The following TJP1 variants were observed in gnomAD, a reference collection of about 807,000 sequenced individuals.
TJP1 encodes tight junction protein ZO-1.
In TJP1, 43 loss-of-function variants were observed where a neutral mutation model predicts 194.2. That is an observed-to-expected ratio of 0.22 (90% CI 0.17 to 0.29). TJP1 has a LOEUF of 0.29. TJP1 is among the 10% of genes least tolerant of loss of function. The pLI is 1.00. For synonymous variants in TJP1, 801 were observed against 779.0 expected, an observed-to-expected ratio of 1.03 and a Z score of -0.47; for missense variants, 1,971 against 2,185.7, an observed-to-expected ratio of 0.90 and a Z score of 1.96.
At chr15:29,925,278 C>T (rs566283523) in intron 2 of TJP1, among the ~76,000 whole-genome samples, 1 of 152,308 alleles carries the variant, frequency 6.6e-6, no homozygotes, top group South Asian at 2.1e-4. Context: ...AATTCTTATT[C>T]TACTCTCACA....
chr15:29,968,263 C>A, intron 1 of TJP1: 1 of 985,210 alleles, frequency 1.0e-6, no homozygotes, highest in Non-Finnish European at 1.2e-6. Flanking sequence ...AAACGCACAC[C>A]GTGATACCAA....
chr15:29,772,193 A>G (rs918528805), intron 3 of TJP1, 27 bp from the exon 4 acceptor site: 38 of 1,384,336 alleles, frequency 2.7e-5, no homozygotes, highest in Non-Finnish European at 3.7e-5. Flanking sequence ...ACAAAATAAT[A>G]TGTTAGAGAA....
At chr15:29,795,440 AAAAAC>A (rs766395225) in intron 2 of TJP1, among the ~76,000 whole-genome samples, 5 of 151,778 alleles carry the variant, frequency 3.3e-5, no homozygotes, top group African/African-American at 1.2e-4. Flanking sequence ...AAGACTACCA[AAAAAC>A]AAAACAAAAC....
intron 1 of TJP1, among the ~76,000 whole-genome samples, chr15:29,801,014 C>T (rs942579720): frequency 2.6e-5 from 4 of 152,150 alleles, no homozygotes; most frequent in Non-Finnish European, 4.4e-5. Flanking sequence ...AAAGTTGGAG[C>T]GGTATTATCT....
intron 2 of TJP1, among the ~76,000 whole-genome samples, chr15:29,887,629 G>GA (rs1370083959): frequency 6.6e-6 from 1 of 151,164 alleles, no homozygotes; most frequent in Admixed American, 6.6e-5. Context: ...TCACTTCTAG[G>GA]AAAAAAAATG....
At chr15:29,952,807 T>C (rs1344529850) in intron 2 of TJP1, among the ~76,000 whole-genome samples, 3 of 152,184 alleles carry the variant, frequency 2.0e-5, no homozygotes, top group Non-Finnish European at 4.4e-5. Context: ...AATTTTTAAA[T>C]AAATTTGTAA....
intron 2 of TJP1, among the ~76,000 whole-genome samples, chr15:29,858,359 C>T (rs997879600): frequency 6.6e-6 from 1 of 152,144 alleles, no homozygotes; most frequent in African/African-American, 2.4e-5. Flanking sequence ...CGAAATTGCA[C>T]CACTGCACTC....
chr15:29,905,177 T>G (rs1405354762), intron 2 of TJP1, among the ~76,000 whole-genome samples: 1 of 152,232 alleles, frequency 6.6e-6, no homozygotes, highest in East Asian at 1.9e-4. Flanking sequence ...TCCTCAGGCC[T>G]GTTGGCAAAA....
rs1005841303 is a variant in TJP1 at position 29,822,371 on chromosome 15, T to C, written c.-343A>G. The C allele has an allele frequency of 1.9e-6, 2 of 1,027,038 alleles. No individual in the cohort carries two copies. Among genetic ancestry groups the C allele is most frequent in the African/African-American group, 1.7e-5 (1 of 58,676 alleles). 63.6% of individuals were successfully genotyped at this position (1,027,038 alleles called of 1,614,324 possible). ...GCACCCGTGGCCTCCCGGCGTCTCC[T>C]CGGAAGCCGGCTTCGCCACGTAACT... On this transcript the variant is annotated 5_prime_UTR_variant, in exon 1 of 28. Transcript: ENST00000614355.
intron 2 of TJP1, among the ~76,000 whole-genome samples, chr15:29,937,621 A>C (rs2054926951): frequency 6.6e-6 from 1 of 152,226 alleles, no homozygotes; most frequent in Admixed American, 6.5e-5. Flanking sequence ...ACAAGTATCC[A>C]ACCTAAAGCA....
chr15:29,785,998 T>G (rs1311989101), intron 2 of TJP1, among the ~76,000 whole-genome samples: 1 of 152,178 alleles, frequency 6.6e-6, no homozygotes, highest in Non-Finnish European at 1.5e-5. Flanking sequence ...ATACTTTGAT[T>G]CCATGGGGAT....
Position 29,719,544 on chromosome 15 carries a change from A to C in TJP1, c.3003+233T>G, listed in dbSNP as rs556966468. Among the ~76,000 whole-genome samples, 11 of 152,290 alleles carry C rather than the reference A, an allele frequency of 7.2e-5. 1 individual carries two copies. The South Asian group carries it at 8.3e-4, about 11-fold the overall frequency. On this transcript the variant is annotated intron_variant, in intron 20 of 27. Transcript: ENST00000614355. ...ATTCTGGAAGATACTGAAAGCCAAA[A>C]ATAAAAATAATAAGCACAAATCTCA...
chr15:29,736,894 A>G (rs898172778), intron 11 of TJP1, among the ~76,000 whole-genome samples: 1 of 152,226 alleles, frequency 6.6e-6, no homozygotes, highest in African/African-American at 2.4e-5. Flanking sequence ...CTTGCTGCCA[A>G]GTTGTGGCCC....
At chr15:29,771,978 A>G (rs1435370525) in intron 4 of TJP1, 86 bp downstream of exon 4, 39 of 842,098 alleles carry the variant, frequency 4.6e-5, no homozygotes, top group South Asian at 4.0e-4. Context: ...GTTTTCCTTA[A>G]ATGGGAAGGA....
intron 2 of TJP1, among the ~76,000 whole-genome samples, chr15:29,927,572 C>T (rs1434127279): frequency 2.0e-5 from 3 of 152,112 alleles, no homozygotes; most frequent in African/African-American, 7.2e-5. Context: ...TTAACTCCCC[C>T]TCTGAACACA....
At chr15:29,950,960 G>C (rs1410060261) in intron 2 of TJP1, among the ~76,000 whole-genome samples, 1 of 152,136 alleles carries the variant, frequency 6.6e-6, no homozygotes, top group Non-Finnish European at 1.5e-5. Flanking sequence ...GGAGGAAATA[G>C]CTAATGTAAT....
intron 1 of TJP1, among the ~76,000 whole-genome samples, chr15:29,806,190 G>T (rs2049099622): frequency 1.3e-5 from 2 of 152,184 alleles, no homozygotes; most frequent in Non-Finnish European, 2.9e-5. Context: ...AATGGCTCTT[G>T]AGTAGTCAAC....
chr15:29,764,799 A>G (rs528182387), intron 5 of TJP1, among the ~76,000 whole-genome samples: 92 of 152,352 alleles, frequency 6.0e-4, no homozygotes, highest in African/African-American at 2.1e-3. Context: ...AGGGACCTAC[A>G]GGAACATCTA....
intron 2 of TJP1, among the ~76,000 whole-genome samples, chr15:29,870,306 GAA>G (rs1363224663): frequency 6.6e-6 from 1 of 151,666 alleles, no homozygotes; most frequent in Non-Finnish European, 1.5e-5. Flanking sequence ...AAATGGTTAA[GAA>G]AAAAAAGAGA....
Sources: allele counts gnomAD v4.1 joint callset (sites outside exome capture counted in the v4.1 genomes callset), GRCh38; gene constraint gnomAD v4.1.1; transcripts MANE v1.5; gene names NCBI Gene and HGNC (gene_info 2026-07-23, HGNC 2026-07-21).